Variants in SUGCT observed in about 807,000 individuals in gnomAD.
The protein encoded by SUGCT is succinyl-CoA:glutarate CoA-transferase.
Under a neutral mutation model 55.0 loss-of-function variants are expected in SUGCT, and 41 were observed. The ratio of observed to expected loss-of-function variants is 0.74; its 90% CI spans 0.58 to 0.97. The LOEUF is 0.97. Ranked by LOEUF, SUGCT falls within the 50% of genes least tolerant of loss-of-function variation. SUGCT has a pLI of 0.00. For missense variants in SUGCT, 568 were observed against 547.8 expected (o/e 1.04, Z -0.37); for synonymous variants, 187 against 200.4 (o/e 0.93, Z 0.56).
intron 12 of SUGCT, among the ~76,000 whole-genome samples, chr7:40,702,875 C>T (rs181515901): frequency 9.9e-5 from 15 of 152,122 alleles, no homozygotes; most frequent in African/African-American, 9.7e-5. Flanking sequence ...CCCAAAACTA[C>T]GTAACTCTCA....
At chr7:40,250,823 C>T (rs1034826835) in intron 7 of SUGCT, among the ~76,000 whole-genome samples, 1 of 136,976 alleles carries the variant, frequency 7.3e-6, no homozygotes, top group East Asian at 2.1e-4. Flanking sequence ...AGTCATTTCA[C>T]GCTTCTTTTT....
chr7:40,796,448 CGAT>C (rs1563009925), intron 13 of SUGCT, among the ~76,000 whole-genome samples: 1 of 151,984 alleles, frequency 6.6e-6, no homozygotes, highest in Non-Finnish European at 1.5e-5. Context: ...AGAGAATTAA[CGAT>C]GATGAGGAAA....
At chr7:40,575,082 C>T (rs938047151) in intron 12 of SUGCT, among the ~76,000 whole-genome samples, 71 of 134,696 alleles carry the variant, frequency 5.3e-4, no homozygotes, top group Non-Finnish European at 8.3e-4. Flanking sequence ...GCCTATACTT[C>T]AACAAGATAG....
In SUGCT at chr7:40,594,806, C is replaced by T. The variant is rs184288202; in HGVS notation, c.1089+98420C>T. 1.6e-3 allele frequency among the ~76,000 whole-genome samples: 250 copies of T among 152,316 alleles called. 3 individuals are homozygous for T. The highest frequency in any genetic ancestry group is 0.016 in the Admixed American group (250 of 15,304). ...CAATGTAAAACAGAACACAGTGCAG[C>T]TGCTTTGGTTGAAGTAGGGAGAGAA... is the stretch of plus-strand genomic sequence containing the variant. On this transcript the variant is annotated intron_variant, in intron 12 of 13. Coordinates refer to ENST00000335693, the MANE Select transcript of SUGCT (RefSeq NM_001193313.2).
chr7:40,893,995 A>G, the SUGCT span, among the ~76,000 whole-genome samples: 1 of 150,390 alleles, frequency 6.6e-6, no homozygotes, highest in South Asian at 2.1e-4. Context: ...TGGGAGGCAG[A>G]GTGAGCCGAG....
intron 8 of SUGCT, among the ~76,000 whole-genome samples, chr7:40,309,561 C>T (rs1795029149): frequency 6.6e-6 from 1 of 152,154 alleles, no homozygotes; most frequent in South Asian, 2.1e-4. Context: ...TCCAAAAGTG[C>T]TGGAATTACA....
At chr7:40,920,311 T>C in the SUGCT span, among the ~76,000 whole-genome samples, 2 of 152,252 alleles carry the variant, frequency 1.3e-5, no homozygotes, top group South Asian at 4.1e-4. Flanking sequence ...TTGAATTGGC[T>C]TCTTCTGTGA....
chr7:40,811,249 T>A (rs931314414), intron 13 of SUGCT, among the ~76,000 whole-genome samples: 1 of 152,166 alleles, frequency 6.6e-6, no homozygotes, highest in South Asian at 2.1e-4. Context: ...CTATTTGGGC[T>A]CTTTTTTGGT....
chr7:40,900,110 C>G, the SUGCT span, among the ~76,000 whole-genome samples: 1 of 152,178 alleles, frequency 6.6e-6, no homozygotes, highest in African/African-American at 2.4e-5. Flanking sequence ...TGGGAAGAGC[C>G]GATGACCGGC....
At chr7:40,596,900 C>G (rs950722971) in intron 12 of SUGCT, among the ~76,000 whole-genome samples, 2 of 152,154 alleles carry the variant, frequency 1.3e-5, no homozygotes, top group African/African-American at 4.8e-5. Context: ...ATTTCTGTAA[C>G]TAGTAGCAAG....
At chr7:40,382,362 C>T (rs1784915712) in intron 9 of SUGCT, among the ~76,000 whole-genome samples, 1 of 152,088 alleles carries the variant, frequency 6.6e-6, no homozygotes, top group African/African-American at 2.4e-5. Context: ...TTGAAGTGAG[C>T]TTAGCTCATA....
chr7:40,635,918 A>C (rs1414192671), intron 12 of SUGCT, among the ~76,000 whole-genome samples: 1 of 152,192 alleles, frequency 6.6e-6, no homozygotes, highest in Admixed American at 6.5e-5. Flanking sequence ...TAAATATTCC[A>C]CAGCCATATT....
intron 12 of SUGCT, among the ~76,000 whole-genome samples, chr7:40,524,300 G>T (rs547555856): frequency 6.6e-6 from 1 of 152,154 alleles, no homozygotes; most frequent in African/African-American, 2.4e-5. Flanking sequence ...ACATCAGATT[G>T]TTGGCAAAGA....
At chr7:40,894,264 C>T in the SUGCT span, among the ~76,000 whole-genome samples, 1 of 152,042 alleles carries the variant, frequency 6.6e-6, no homozygotes, top group Non-Finnish European at 1.5e-5. Context: ...ATGGTGCTGT[C>T]ATAACTGGCT....
intron 8 of SUGCT, among the ~76,000 whole-genome samples, chr7:40,276,295 A>G (rs959984271): frequency 1.3e-5 from 2 of 152,244 alleles, no homozygotes; most frequent in Non-Finnish European, 2.9e-5. Flanking sequence ...TCTTCCTCTA[A>G]TTTTAAGCTG....
At chr7:40,819,842 A>G (rs1436327872) in intron 13 of SUGCT, among the ~76,000 whole-genome samples, 3 of 152,146 alleles carry the variant, frequency 2.0e-5, no homozygotes, top group African/African-American at 7.2e-5. Context: ...ACATGCCTAC[A>G]GCCTGAATGG....
the SUGCT span, among the ~76,000 whole-genome samples, chr7:40,913,008 A>ATTTTT: frequency 3.2e-4 from 39 of 121,580 alleles, no homozygotes; most frequent in African/African-American, 9.4e-4. Context: ...GCTGGATCCA[A>ATTTTT]TTTTTTTTTT....
At chr7:40,454,519 A>G (rs1161006421) in intron 10 of SUGCT, among the ~76,000 whole-genome samples, 1 of 152,188 alleles carries the variant, frequency 6.6e-6, no homozygotes, top group Non-Finnish European at 1.5e-5. Context: ...CTCCTAGGCT[A>G]TAAATCTGTA....
intron 9 of SUGCT, among the ~76,000 whole-genome samples, chr7:40,419,858 C>T (rs1787213349): frequency 6.6e-6 from 1 of 152,208 alleles, no homozygotes. Flanking sequence ...GTGCTTCTGT[C>T]ATGTGAAACA....
Sources: allele counts gnomAD v4.1 joint callset (sites outside exome capture counted in the v4.1 genomes callset), GRCh38; gene constraint gnomAD v4.1.1; transcripts MANE v1.5; gene names NCBI Gene and HGNC (gene_info 2026-07-23, HGNC 2026-07-21).